Variants in EXT1 observed in about 807,000 individuals in gnomAD.
EXT1 encodes exostosin-1.
In EXT1, 20 loss-of-function variants were observed where a neutral mutation model predicts 82.5. The observed-to-expected ratio is 0.24, with a 90% CI of 0.17 to 0.35. EXT1 has a LOEUF of 0.35. EXT1 is among the 10% of genes least tolerant of loss of function. EXT1 has a pLI of 1.00. For missense variants in EXT1, 757 were observed against 936.5 expected (o/e 0.81, Z 2.50); for synonymous variants, 348 against 350.8 (o/e 0.99, Z 0.09).
intron 1 of EXT1, among the ~76,000 whole-genome samples, chr8:118,066,551 G>C (rs1016700738): frequency 1.3e-5 from 2 of 152,116 alleles, no homozygotes; most frequent in South Asian, 4.2e-4. Flanking sequence ...AGTAGAGATG[G>C]GGTTTCACCA....
intron 1 of EXT1, among the ~76,000 whole-genome samples, chr8:117,870,604 T>C (rs1323766581): frequency 6.6e-6 from 1 of 152,204 alleles, no homozygotes; most frequent in Non-Finnish European, 1.5e-5. Flanking sequence ...GGCTCATTCA[T>C]AATCAGTCCT....
Position 117,993,787 on chromosome 8 carries a change from T to C in EXT1, c.962+116298A>G, listed in dbSNP as rs140548330. On this transcript the variant is annotated intron_variant, in intron 1 of 10. Coordinates refer to ENST00000378204, the MANE Select transcript of EXT1 (RefSeq NM_000127.3). Reference sequence around the variant, plus strand: ...ACACCTTTGATTAGGCTATGGAACCTACTAAAAATGTCCTGGTTATCTTGC... The same window carrying C: ...ACACCTTTGATTAGGCTATGGAACCCACTAAAAATGTCCTGGTTATCTTGC... Among the ~76,000 whole-genome samples the C allele has an allele frequency of 6.7e-3, 1,015 of 152,314 alleles. 10 individuals are homozygous for C. The highest frequency in any genetic ancestry group is 0.024 in the African/African-American group (981 of 41,574).
chr8:117,863,692 C>G (rs1812725500), intron 1 of EXT1, among the ~76,000 whole-genome samples: 1 of 152,146 alleles, frequency 6.6e-6, no homozygotes, highest in Non-Finnish European at 1.5e-5. Context: ...CCAGCAGATG[C>G]TTGTCCTGTG....
chr8:117,795,900 G>A lies in EXT1; in HGVS notation c.*3812C>T, dbSNP rs943493060. On this transcript the variant is annotated 3_prime_UTR_variant, in exon 11 of 11. Transcript: ENST00000378204. The stretch of plus-strand genomic sequence containing the variant: ...AAGTTTAGCACAGTTTGATATTAAT[G>A]CTTATTTGCTGAGAACTCAACTCAA... 6.6e-6 allele frequency: 1 copy of A among 152,126 alleles called. No individual in the cohort carries two copies. The highest frequency in any genetic ancestry group is 2.4e-5 in the African/African-American group (1 of 41,410). 9.4% of individuals were successfully genotyped at this position (152,126 alleles called of 1,614,324 possible).
chr8:118,050,766 A>G (rs890488024), intron 1 of EXT1, among the ~76,000 whole-genome samples: 13 of 152,214 alleles, frequency 8.5e-5, no homozygotes, highest in African/African-American at 2.9e-4. Context: ...AGCCATTCTT[A>G]GCCCACAGAC....
intron 1 of EXT1, among the ~76,000 whole-genome samples, chr8:118,022,849 C>G (rs1262762516): frequency 6.6e-6 from 1 of 151,990 alleles, no homozygotes; most frequent in Non-Finnish European, 1.5e-5. Flanking sequence ...GAGGTAATGC[C>G]TGGGGAAGGC....
chr8:117,837,860 A>G (rs1173405617), intron 1 of EXT1, among the ~76,000 whole-genome samples: 2 of 152,078 alleles, frequency 1.3e-5, no homozygotes, highest in Admixed American at 6.6e-5. Flanking sequence ...AAGAAAAGAA[A>G]AAAAAAAAAC....
intron 10 of EXT1, among the ~76,000 whole-genome samples, chr8:117,803,412 G>A (rs1823195843): frequency 6.6e-6 from 1 of 152,042 alleles, no homozygotes; most frequent in African/African-American, 2.4e-5. Flanking sequence ...GGCAAGGCTG[G>A]TCTCAAACTC....
At chr8:117,989,804 C>A (rs1392728860) in intron 1 of EXT1, among the ~76,000 whole-genome samples, 1 of 152,270 alleles carries the variant, frequency 6.6e-6, no homozygotes, top group East Asian at 1.9e-4. Context: ...AAGAGCCCCA[C>A]TGCTTTCTCA....
intron 1 of EXT1, among the ~76,000 whole-genome samples, chr8:117,984,466 G>T (rs1219921951): frequency 6.8e-6 from 1 of 147,204 alleles, no homozygotes; most frequent in Non-Finnish European, 1.5e-5. Flanking sequence ...AAAAAACAAA[G>T]AAAAGAAAAG....
intron 1 of EXT1, among the ~76,000 whole-genome samples, chr8:117,978,886 A>G (rs1395189015): frequency 6.6e-6 from 1 of 152,160 alleles, no homozygotes; most frequent in Non-Finnish European, 1.5e-5. Context: ...TGACCTTGTA[A>G]TGGAGGTAGG....
intron 1 of EXT1, among the ~76,000 whole-genome samples, chr8:117,873,360 C>T (rs574297490): frequency 4.7e-5 from 7 of 150,516 alleles, no homozygotes; most frequent in South Asian, 4.2e-4. Context: ...TTTCTGACAA[C>T]GAAACTACAA....
chr8:117,986,976 T>C (rs1815334828), intron 1 of EXT1, among the ~76,000 whole-genome samples: 1 of 152,206 alleles, frequency 6.6e-6, no homozygotes. Context: ...TGAGCCAGTG[T>C]AGGGCACAAG....
chr8:117,879,260 G>T (rs750843378), intron 1 of EXT1, among the ~76,000 whole-genome samples: 1 of 152,144 alleles, frequency 6.6e-6, no homozygotes, highest in African/African-American at 2.4e-5. Context: ...ATTAAATTGT[G>T]AGTGAATCTT....
chr8:117,869,711 T>G (rs1342565213), intron 1 of EXT1, among the ~76,000 whole-genome samples: 2 of 152,178 alleles, frequency 1.3e-5, no homozygotes, highest in Admixed American at 1.3e-4. Flanking sequence ...ATAATCCTAT[T>G]TCATTAAGCT....
chr8:118,036,075 T>C (rs1488308760), intron 1 of EXT1, among the ~76,000 whole-genome samples: 5 of 150,028 alleles, frequency 3.3e-5, no homozygotes, highest in Admixed American at 1.3e-4. Flanking sequence ...TCTCAGTCTT[T>C]TTTTTTTTTT....
intron 1 of EXT1, among the ~76,000 whole-genome samples, chr8:117,897,336 G>A (rs1419442104): frequency 1.3e-5 from 2 of 152,128 alleles, no homozygotes; most frequent in Non-Finnish European, 2.9e-5. Flanking sequence ...TACTGTTAAG[G>A]GACAAGCTAA....
At chr8:117,995,480 G>A (rs1374425209) in intron 1 of EXT1, among the ~76,000 whole-genome samples, 7 of 152,160 alleles carry the variant, frequency 4.6e-5, no homozygotes, top group Non-Finnish European at 7.3e-5. Flanking sequence ...TATGCATGGC[G>A]TGGGTGGGGA....
intron 1 of EXT1, among the ~76,000 whole-genome samples, chr8:117,853,729 G>A (rs890761109): frequency 1.3e-5 from 2 of 152,080 alleles, no homozygotes; most frequent in African/African-American, 4.8e-5. Context: ...CTTTCCTATT[G>A]CCGCAAAATT....
Sources: allele counts gnomAD v4.1 joint callset (sites outside exome capture counted in the v4.1 genomes callset), GRCh38; gene constraint gnomAD v4.1.1; transcripts MANE v1.5; gene names NCBI Gene and HGNC (gene_info 2026-07-23, HGNC 2026-07-21).